TRPC4: variants seen among roughly 807,000 people sequenced by gnomAD.
TRPC4 encodes the protein transient receptor potential cation channel subfamily C member 4, also known as short transient receptor potential channel 4.
In TRPC4, 49 loss-of-function variants were observed where a neutral mutation model predicts 99.4. The ratio of observed to expected loss-of-function variants is 0.49; its 90% confidence interval spans 0.39 to 0.63. TRPC4 has a LOEUF of 0.63. TRPC4 is among the 20% of genes least tolerant of loss of function. TRPC4 has a pLI of 0.00. For synonymous variants in TRPC4, 454 were observed against 425.9 expected (o/e 1.07, Z -0.81); for missense variants, 898 against 1,152.9 (o/e 0.78, Z 3.20).
At chr13:37,705,940 AT>A (rs924280783) in intron 3 of TRPC4, among the ~76,000 whole-genome samples, 6 of 123,258 alleles carry the variant, frequency 4.9e-5, no homozygotes, top group South Asian at 2.5e-4. Flanking sequence ...CCATCTCCTG[AT>A]TTTTCATGAT....
chr13:37,668,650 T>C (rs889377336), intron 5 of TRPC4, among the ~76,000 whole-genome samples: 1 of 152,142 alleles, frequency 6.6e-6, no homozygotes, highest in Non-Finnish European at 1.5e-5. Flanking sequence ...TTATTGAATG[T>C]AGGAAAATAT....
At chr13:37,658,611 A>G (rs1952323124) in intron 6 of TRPC4, among the ~76,000 whole-genome samples, 1 of 152,194 alleles carries the variant, frequency 6.6e-6, no homozygotes, top group Non-Finnish European at 1.5e-5. Flanking sequence ...CAACAAATAT[A>G]AAAGGGCTTT....
At chr13:37,650,162 G>A (rs1951992657) in intron 8 of TRPC4, among the ~76,000 whole-genome samples, 1 of 152,122 alleles carries the variant, frequency 6.6e-6, no homozygotes, top group Non-Finnish European at 1.5e-5. Flanking sequence ...GAGTGGTAAG[G>A]ATCTCTTAGG....
At chr13:37,741,033 A>G (rs1046397863) in intron 3 of TRPC4, among the ~76,000 whole-genome samples, 1 of 152,206 alleles carries the variant, frequency 6.6e-6, no homozygotes, top group Non-Finnish European at 1.5e-5. Flanking sequence ...ATGAAAGGGA[A>G]AGGCAAATTA....
chr13:37,813,973 A>G (rs906796933), intron 1 of TRPC4, among the ~76,000 whole-genome samples: 1 of 151,894 alleles, frequency 6.6e-6, no homozygotes, highest in Non-Finnish European at 1.5e-5. Flanking sequence ...GTATTAAAAA[A>G]TGACTGTATA....
intron 1 of TRPC4, chr13:37,854,740 A>T (rs1959142454): frequency 1.3e-5 from 2 of 152,220 alleles, no homozygotes; most frequent in Middle Eastern, 3.4e-3. Context: ...CGAATTGAAA[A>T]TCACACAACA....
At chr13:37,667,375 C>T (rs1371783695) in intron 5 of TRPC4, among the ~76,000 whole-genome samples, 3 of 152,170 alleles carry the variant, frequency 2.0e-5, no homozygotes, top group African/African-American at 4.8e-5. Flanking sequence ...GCCGCAATCT[C>T]GGCTCACTGC....
chr13:37,724,950 A>G (rs1239400211), intron 3 of TRPC4, among the ~76,000 whole-genome samples: 1 of 152,214 alleles, frequency 6.6e-6, no homozygotes, highest in East Asian at 1.9e-4. Flanking sequence ...ATACTTGATA[A>G]CAAAGACTTT....
At chr13:37,713,826 A>G (rs1254103964) in intron 3 of TRPC4, among the ~76,000 whole-genome samples, 2 of 152,200 alleles carry the variant, frequency 1.3e-5, no homozygotes, top group Non-Finnish European at 2.9e-5. Context: ...TCTCTGCTAT[A>G]AGAGAGGTGA....
intron 8 of TRPC4, 41 bp from the exon 9 acceptor site, chr13:37,639,340 T>C (rs1445396758): frequency 6.4e-7 from 1 of 1,558,710 alleles, no homozygotes; most frequent in Admixed American, 1.9e-5. Context: ...TATACTGTTA[T>C]ATTACTATTC....
At chr13:37,767,726 T>G (rs944404942) in intron 2 of TRPC4, among the ~76,000 whole-genome samples, 1 of 151,438 alleles carries the variant, frequency 6.6e-6, no homozygotes, top group Non-Finnish European at 1.5e-5. Flanking sequence ...CAGATTGTAC[T>G]TTGCCAGATT....
intron 8 of TRPC4, among the ~76,000 whole-genome samples, chr13:37,640,963 T>C (rs1325456418): frequency 6.6e-6 from 1 of 152,192 alleles, no homozygotes; most frequent in Non-Finnish European, 1.5e-5. Context: ...TTTAGAATCC[T>C]ATCCTTCTAA....
intron 3 of TRPC4, among the ~76,000 whole-genome samples, chr13:37,731,898 T>C (rs150659734): frequency 2.2e-4 from 34 of 152,228 alleles, no homozygotes; most frequent in African/African-American, 7.7e-4. Context: ...ATTGTATGCA[T>C]AGAAGGCAGT....
intron 2 of TRPC4, among the ~76,000 whole-genome samples, chr13:37,768,804 GGAAGAA>G (rs1276260773): frequency 6.6e-6 from 1 of 151,196 alleles, no homozygotes; most frequent in African/African-American, 2.4e-5. Context: ...CTAAATCCTA[GGAAGAA>G]GCAAAGACTC....
At chr13:37,778,031 A>G (rs1385380257) in intron 2 of TRPC4, among the ~76,000 whole-genome samples, 2 of 152,208 alleles carry the variant, frequency 1.3e-5, no homozygotes, top group Non-Finnish European at 2.9e-5. Context: ...ATTGGGCAAC[A>G]AAATTATAAA....
intron 3 of TRPC4, among the ~76,000 whole-genome samples, chr13:37,728,088 C>T (rs1566125310): frequency 6.6e-6 from 1 of 151,904 alleles, no homozygotes; most frequent in Non-Finnish European, 1.5e-5. Flanking sequence ...GGACATCATA[C>T]TCAATGGTGA....
At chr13:37,645,887 C>T (rs12585321) in intron 8 of TRPC4, among the ~76,000 whole-genome samples, 17,732 of 152,238 alleles carry the variant, frequency 0.12, 1,195 homozygotes, top group East Asian at 0.34. Flanking sequence ...TATATATCCC[C>T]GCTGGGGAAA....
chr13:37,809,773 T>C (rs17206892), intron 1 of TRPC4, among the ~76,000 whole-genome samples: 256 of 152,232 alleles, frequency 1.7e-3, no homozygotes, highest in Non-Finnish European at 3.0e-3. Context: ...GGGTCCACTA[T>C]GAATCTGGAA....
chr13:37,779,370 G>A (rs2139331581), intron 2 of TRPC4, among the ~76,000 whole-genome samples: 1 of 151,674 alleles, frequency 6.6e-6, no homozygotes, highest in South Asian at 2.1e-4. Context: ...GAGAATCAGA[G>A]GCTCTCTGTG....
Sources: allele counts gnomAD v4.1 joint callset (sites outside exome capture counted in the v4.1 genomes callset), GRCh38; gene constraint gnomAD v4.1.1; transcripts MANE v1.5; gene names NCBI Gene and HGNC (gene_info 2026-07-23, HGNC 2026-07-21).